CFAP90: variants seen among roughly 807,000 people sequenced by gnomAD.
CFAP90 encodes the protein cilia- and flagella-associated protein 90.
chr5:7,833,469 C>A, the CFAP90 span, among the ~76,000 whole-genome samples: 8 of 148,478 alleles, frequency 5.4e-5, no homozygotes, highest in East Asian at 1.5e-3. Flanking sequence ...CACACATGCA[C>A]ACACATATAC....
the CFAP90 span, among the ~76,000 whole-genome samples, chr5:7,834,167 C>T: frequency 6.2e-3 from 941 of 152,204 alleles, 5 homozygotes; most frequent in Non-Finnish European, 9.9e-3. Context: ...ATGCGTGTTG[C>T]GTGACGTCGC....
the CFAP90 span, chr5:7,831,943 A>T: frequency 4.0e-3 from 6,493 of 1,614,140 alleles, 18 homozygotes; most frequent in Middle Eastern, 7.3e-3. Flanking sequence ...TGGCACGGCC[A>T]AAGTCCCGGT....
the CFAP90 span, among the ~76,000 whole-genome samples, chr5:7,838,299 G>T: frequency 6.7e-6 from 1 of 149,356 alleles, no homozygotes; most frequent in Non-Finnish European, 1.5e-5. Flanking sequence ...ATACAAATTA[G>T]ACATCTGCTT....
At chr5:7,842,751 C>A in the CFAP90 span, among the ~76,000 whole-genome samples, 1 of 152,038 alleles carries the variant, frequency 6.6e-6, no homozygotes, top group African/African-American at 2.4e-5. Context: ...TTATGTTAAG[C>A]CCGTTGGTGC....
the CFAP90 span, among the ~76,000 whole-genome samples, chr5:7,835,728 G>A: frequency 1.3e-5 from 2 of 152,254 alleles, no homozygotes; most frequent in East Asian, 3.9e-4. Context: ...ATGAAGCAGG[G>A]ACATTTTCAT....
chr5:7,833,253 A>G, the CFAP90 span, among the ~76,000 whole-genome samples: 4 of 152,238 alleles, frequency 2.6e-5, no homozygotes, highest in South Asian at 2.1e-4. Context: ...AGCTGAGCAC[A>G]ATATTAAATA....
the CFAP90 span, among the ~76,000 whole-genome samples, chr5:7,842,440 C>T: frequency 3.6e-4 from 54 of 151,886 alleles, no homozygotes; most frequent in Non-Finnish European, 5.7e-4. Flanking sequence ...TCCCAGTTTG[C>T]CCCACAAGTA....
the CFAP90 span, among the ~76,000 whole-genome samples, chr5:7,849,610 C>G: frequency 6.6e-6 from 1 of 152,166 alleles, no homozygotes; most frequent in African/African-American, 2.4e-5. Context: ...AGTAGATGAC[C>G]CTCAACTGGC....
the CFAP90 span, among the ~76,000 whole-genome samples, chr5:7,842,313 G>GAA: frequency 7.0e-6 from 1 of 142,258 alleles, no homozygotes; most frequent in Non-Finnish European, 1.5e-5. Flanking sequence ...CTACAAGAAA[G>GAA]AAAAAAAAAA....
the CFAP90 span, among the ~76,000 whole-genome samples, chr5:7,834,971 A>T: frequency 2.6e-5 from 4 of 152,228 alleles, no homozygotes; most frequent in Non-Finnish European, 5.9e-5. Flanking sequence ...ACACACACGT[A>T]CAAGCATACC....
chr5:7,848,955 G>C, the CFAP90 span, among the ~76,000 whole-genome samples: 7 of 152,038 alleles, frequency 4.6e-5, no homozygotes, highest in African/African-American at 1.7e-4. Flanking sequence ...CCGAGTCTTG[G>C]GTATGTCTTT....
chr5:7,849,666 C>T, the CFAP90 span, among the ~76,000 whole-genome samples: 1 of 152,196 alleles, frequency 6.6e-6, no homozygotes, highest in Non-Finnish European at 1.5e-5. Context: ...GTGGGAGATG[C>T]AGGGTGCCCA....
At chr5:7,830,555 T>C in the CFAP90 span, 1 of 152,220 alleles carries the variant, frequency 6.6e-6, no homozygotes, top group Non-Finnish European at 1.5e-5. Context: ...ACTACTGCCA[T>C]TTGTTTGAAA....
the CFAP90 span, among the ~76,000 whole-genome samples, chr5:7,844,572 T>G: frequency 3.9e-5 from 6 of 152,322 alleles, no homozygotes; most frequent in Admixed American, 3.9e-4. Context: ...AGGAAAATAC[T>G]TAGCAGGTTA....
At chr5:7,848,161 T>G in the CFAP90 span, among the ~76,000 whole-genome samples, 1 of 152,130 alleles carries the variant, frequency 6.6e-6, no homozygotes, top group African/African-American at 2.4e-5. Context: ...AACAGTTCTT[T>G]CAAAACATAT....
the CFAP90 span, among the ~76,000 whole-genome samples, chr5:7,840,659 G>A: frequency 6.6e-6 from 1 of 152,098 alleles, no homozygotes; most frequent in Non-Finnish European, 1.5e-5. Context: ...ACTGGATGTG[G>A]TCAGCTGACT....
the CFAP90 span, among the ~76,000 whole-genome samples, chr5:7,836,297 T>C: frequency 6.6e-6 from 1 of 152,190 alleles, no homozygotes; most frequent in African/African-American, 2.4e-5. Flanking sequence ...TGAGCTTCTT[T>C]GAAAAACAAA....
chr5:7,832,968 G>A, the CFAP90 span, among the ~76,000 whole-genome samples: 8,554 of 152,256 alleles, frequency 0.056, 608 homozygotes, highest in African/African-American at 0.16. Context: ...AAATGTTCTC[G>A]TGTGTGCAAT....
At chr5:7,831,841 G>A in the CFAP90 span, 1,405 of 1,602,708 alleles carry the variant, frequency 8.8e-4, 14 homozygotes, top group African/African-American at 0.017. Flanking sequence ...TGTGGGCCAC[G>A]GGGATGCTTC....
Sources: allele counts gnomAD v4.1 joint callset (sites outside exome capture counted in the v4.1 genomes callset), GRCh38; gene constraint gnomAD v4.1.1; transcripts MANE v1.5; gene names NCBI Gene and HGNC (gene_info 2026-07-23, HGNC 2026-07-21).